Variants in ANXA1 observed in about 807,000 individuals in gnomAD.
The protein encoded by ANXA1 is annexin A1, also known as annexin I (lipocortin I).
A neutral mutation model predicts 47.9 loss-of-function variants in ANXA1; 39 were observed. The ratio of observed to expected loss-of-function variants is 0.81; its 90% CI spans 0.63 to 1.06. The LOEUF (loss-of-function observed/expected upper bound fraction) is 1.06. Among genes scored for constraint, ANXA1 ranks in the 50% least tolerant of loss-of-function variants. The pLI is 0.00. For synonymous variants in ANXA1, 146 were observed against 142.5 expected (o/e 1.02, Z -0.17); for missense variants, 446 against 422.7 (o/e 1.06, Z -0.48).
Position 73,170,052 on chromosome 9 carries a change from A to G in ANXA1, c.986A>G (p.Asp329Gly). The G allele has an allele frequency of 6.2e-7, 1 of 1,604,374 alleles. No homozygotes were observed. The highest frequency in any genetic ancestry group is 8.5e-7 in the Non-Finnish European group (1 of 1,175,198). The stretch of plus-strand genomic sequence containing the variant: ...GTATACCTTTTTTTGAATCAACAGG[A>G]TGAAACCAAAGGAGATTATGAGAAA... The part of the protein sequence containing the change: ...YGISLCQAIL[D>G]ETKGDYEKIL... Residue 329 changes from aspartate (D) to glycine (G), a missense_variant and splice_region_variant, in exon 13 of 13, where the codon GAT (aspartate) becomes GGT (glycine). By Grantham distance (94) the Asp-to-Gly change is moderately conservative. Coordinates refer to ENST00000257497, the MANE Select transcript of ANXA1 (RefSeq NM_000700.3).
rs1373748594 is a variant in ANXA1, at chr9:73,163,489, A to T, written c.569A>T (p.Glu190Val). The change falls in exon 8 of 13, where the codon GAG (glutamate) becomes GTG (valine). Residue 190 changes from glutamate to valine, a missense_variant. Coordinates refer to ENST00000257497, the MANE Select transcript of ANXA1 (RefSeq NM_000700.3). ...GATTTCTTTCAGGGTGACCGATCTG[A>T]GGACTTTGGTGTGAATGAAGACTTG... ...LLSLAKGDRS[E>V]DFGVNEDLAD... is the part of the protein sequence containing the mutation. The T allele has an allele frequency of 6.2e-7, 1 of 1,612,850 alleles. No homozygotes were observed. The highest frequency in any genetic ancestry group is 1.1e-5 in the South Asian group (1 of 91,062).
At chr9:73,166,557 C>T (rs77473783) in intron 10 of ANXA1, among the ~76,000 whole-genome samples, 2,471 of 152,228 alleles carry the variant, frequency 0.016, 62 homozygotes, top group African/African-American at 0.056. Context: ...TCCTGGTCTA[C>T]TGCTTGTTAA....
chr9:73,152,023 T>G (rs1253511790), intron 1 of ANXA1, 99 bp downstream of exon 1: 1 of 152,234 alleles, frequency 6.6e-6, no homozygotes, highest in African/African-American at 2.4e-5. Context: ...TATGGTTAGT[T>G]GCATTTAACA....
intron 6 of ANXA1, among the ~76,000 whole-genome samples, chr9:73,161,754 A>C (rs1824146797): frequency 6.6e-6 from 1 of 152,156 alleles, no homozygotes; most frequent in South Asian, 2.1e-4. Flanking sequence ...TGTTAGATCC[A>C]TGTGTCAGTG....
intron 11 of ANXA1, chr9:73,167,832 A>T: frequency 3.0e-6 from 1 of 329,328 alleles, no homozygotes; most frequent in East Asian, 4.9e-5. Flanking sequence ...GGGAAGGGTG[A>T]TGTACTTTCT....
At chr9:73,158,302 C>T (rs1824080916) in intron 1 of ANXA1, 1 of 465,504 alleles carries the variant, frequency 2.1e-6, no homozygotes, top group South Asian at 2.4e-5. Context: ...AGAAAGAGTT[C>T]AATTTCAGAG....
At chr9:73,158,467 G>T in intron 1 of ANXA1, 55 bp from the exon 2 acceptor site, 1 of 1,338,440 alleles carries the variant, frequency 7.5e-7, no homozygotes, top group South Asian at 1.2e-5. Flanking sequence ...TGAGGAAGGA[G>T]AGGTTGTGTG....
At chr9:73,161,683 T>C (rs1481122989) in intron 6 of ANXA1, among the ~76,000 whole-genome samples, 1 of 152,140 alleles carries the variant, frequency 6.6e-6, no homozygotes, top group Non-Finnish European at 1.5e-5. Context: ...AATAAAAGAA[T>C]AAAAATAAGG....
chr9:73,165,364 T>A (rs527935848), intron 9 of ANXA1, 155 bp downstream of exon 9: 1 of 563,730 alleles, frequency 1.8e-6, no homozygotes, highest in Non-Finnish European at 3.1e-6. Context: ...TTTGTCAATT[T>A]GTCCAATTTT....
At chr9:73,156,530 C>T (rs1824051202) in intron 1 of ANXA1, among the ~76,000 whole-genome samples, 1 of 152,166 alleles carries the variant, frequency 6.6e-6, no homozygotes, top group African/African-American at 2.4e-5. Context: ...AGTATTGGTT[C>T]TTCTCACAGA....
intron 11 of ANXA1, 21 bp from the exon 12 acceptor site, chr9:73,169,011 A>G: frequency 3.1e-6 from 5 of 1,597,110 alleles, no homozygotes; most frequent in Non-Finnish European, 3.4e-6. Context: ...TGAGACACTT[A>G]CCCTCATTTA....
chr9:73,154,748 A>G (rs1824022958), intron 1 of ANXA1, among the ~76,000 whole-genome samples: 1 of 152,172 alleles, frequency 6.6e-6, no homozygotes, highest in East Asian at 1.9e-4. Context: ...CAAAATATAT[A>G]ACACTTTGGA....
intron 7 of ANXA1, 44 bp downstream of exon 7, chr9:73,162,905 A>T: frequency 6.8e-7 from 1 of 1,472,872 alleles, no homozygotes; most frequent in African/African-American, 1.4e-5. Flanking sequence ...TTTTATAAAG[A>T]CTAATTTCTT....
chr9:73,166,067 C>G, intron 9 of ANXA1, 30 bp from the exon 10 acceptor site: 1 of 1,512,702 alleles, frequency 6.6e-7, no homozygotes, highest in East Asian at 2.3e-5. Flanking sequence ...GGATGTTTTG[C>G]ATGTATCTTA....
At position 73,162,807 on chromosome 9, in the gene ANXA1, C is replaced by G. The variant is rs752850381; in HGVS notation, c.501C>G (p.Asp167Glu). ...AACTGAAGAGAGATCTGGCCAAAGACATAACCTCAGACACATCTGGAGATT... is the reference window on the plus strand; with the variant it reads ...AACTGAAGAGAGATCTGGCCAAAGAGATAACCTCAGACACATCTGGAGATT... ...REELKRDLAKDITSDTSGDFR... is the reference protein window; with the variant it reads ...REELKRDLAKEITSDTSGDFR... Residue 167 changes from aspartate (D) to glutamate (E), a missense_variant, in exon 7 of 13, where the codon GAC (aspartate) becomes GAG (glutamate). Transcript: ENST00000257497. 2 of 1,613,146 alleles carry G rather than the reference C, an allele frequency of 1.2e-6. No individual in the cohort carries two copies. Among genetic ancestry groups the G allele is most frequent in the Non-Finnish European group, 1.7e-6 (2 of 1,179,436 alleles).
chr9:73,158,492 T>C (rs772814437), intron 1 of ANXA1, 30 bp from the exon 2 acceptor site: 2 of 1,576,120 alleles, frequency 1.3e-6, no homozygotes, highest in South Asian at 2.2e-5. Flanking sequence ...GCATTTGTTT[T>C]GTAAAAGCAT....
intron 1 of ANXA1, chr9:73,154,400 C>T (rs1391410709): frequency 1.6e-6 from 2 of 1,285,716 alleles, no homozygotes; most frequent in African/African-American, 3.0e-5. Flanking sequence ...TAATTCCCTC[C>T]CTCCCTTCTC....
chr9:73,158,414 C>T (rs571956937), intron 1 of ANXA1, 108 bp from the exon 2 acceptor site: 41 of 807,872 alleles, frequency 5.1e-5, no homozygotes, highest in South Asian at 3.9e-4. Context: ...GGAAAGTAAG[C>T]GCAAGGCTAC....
In ANXA1 at chr9:73,165,229, T is replaced by C. The variant is rs540524277; in HGVS notation, c.706+20T>C. The C allele has an allele frequency of 6.3e-7, 1 of 1,597,554 alleles. No homozygotes were observed. Among genetic ancestry groups the C allele is most frequent in the South Asian group, 1.1e-5 (1 of 90,180 alleles). ...GCAGAGGTAACAATAAATTTCTTTT[T>C]CTGGAATCTGTTTATGGAAGATGCA... On this transcript the variant is annotated intron_variant, in intron 9 of 12. Transcript: ENST00000257497.
Sources: gnomAD v4.1 joint callset for allele counts (sites outside exome capture counted in the v4.1 genomes callset) on GRCh38, gnomAD v4.1.1 for gene constraint, MANE v1.5 for transcripts, NCBI Gene and HGNC (gene_info 2026-07-23, HGNC 2026-07-21) for gene names.